RAB36: variants seen among roughly 807,000 people sequenced by gnomAD.
RAB36 encodes RAB36, member RAS oncogene family, also known as ras-related protein Rab-36.
In RAB36, 33 loss-of-function variants were observed where a neutral mutation model predicts 39.3. The observed-to-expected ratio is 0.84, with a 90% CI of 0.64 to 1.12. The LOEUF is 1.12. Ranked by LOEUF, RAB36 falls within the 50% of genes most tolerant of loss-of-function variation. RAB36 has a pLI of 0.00. For synonymous variants in RAB36, 133 were observed against 140.2 expected (o/e 0.95, Z 0.36); for missense variants, 308 against 355.3 (o/e 0.87, Z 1.07).
At chr22:23,145,375 G>A, upstream of RAB36, 1 of 1,607,012 alleles carries the variant, frequency 6.2e-7, no homozygotes, top group Non-Finnish European at 8.5e-7. Flanking sequence ...TATGGTGATC[G>A]CCGGTGCAAG....
At chr22:23,145,690 G>C in intron 1 of RAB36, 139 bp downstream of exon 1, 1 of 1,086,268 alleles carries the variant, frequency 9.2e-7, no homozygotes. Context: ...TGCGGCCCCG[G>C]GGCGTCCTCA....
In RAB36 at chr22:23,158,314, A is replaced by G. The variant is rs559517465; in HGVS notation, c.446+271A>G. 2.0e-5 allele frequency among the ~76,000 whole-genome samples: 3 copies of G among 152,336 alleles called. No homozygotes were observed. The East Asian group carries it at 5.8e-4, about 29-fold the overall frequency. On this transcript the variant is annotated intron_variant, in intron 7 of 10. Transcript: ENST00000263116. ...CAGAGGGGCCCCAACCTGCTTTAATACACTGCCTTTGCCATGTTGCAAGTC... is the reference window on the plus strand; with the variant it reads ...CAGAGGGGCCCCAACCTGCTTTAATGCACTGCCTTTGCCATGTTGCAAGTC...
chr22:23,157,962 ATTGGCTG>A, intron 6 of RAB36, 23 bp from the exon 7 acceptor site: 1 of 1,613,984 alleles, frequency 6.2e-7, no homozygotes, highest in South Asian at 1.1e-5. Flanking sequence ...CCTGGCACTG[ATTGGCTG>A]TTGGCTTTTT....
Position 23,158,933 on chromosome 22 carries a change from C to A in RAB36, c.482C>A (p.Ala161Glu), listed in dbSNP as rs1208533043. 6.2e-7 allele frequency: 1 copy of A among 1,614,208 alleles called. No homozygotes were observed. The highest frequency in any genetic ancestry group is 1.7e-5 in the Admixed American group (1 of 60,036). Residue 161 changes from alanine (A) to glutamate (E), a missense_variant, in exon 8 of 11, where the codon GCA becomes GAA. Physicochemically the swap from Ala to Glu is moderately radical, Grantham distance 107. Coordinates refer to ENST00000263116, the MANE Select transcript of RAB36 (RefSeq NM_004914.5). ...GAGGATGCTCTGAGGGAGAACGAGG[C>A]AGGCTCCTGCTTCATCTTCCTCGTG... ...WLEDALRENE[A>E]GSCFIFLVGT...
intron 7 of RAB36, 114 bp downstream of exon 7, chr22:23,158,157 G>A (rs2071566381): frequency 6.5e-7 from 1 of 1,532,712 alleles, no homozygotes; most frequent in Non-Finnish European, 8.7e-7. Context: ...GAGTGACCAG[G>A]GCCCCTTGTC....
At chr22:23,152,937 G>T in intron 4 of RAB36, 96 bp from the exon 5 acceptor site, 1 of 869,182 alleles carries the variant, frequency 1.2e-6, no homozygotes, top group Non-Finnish European at 1.9e-6. Context: ...ATGGGAAGTG[G>T]ACCTTATTTG....
chr22:23,166,127 C>T (rs1027726731), downstream of RAB36, among the ~76,000 whole-genome samples: 2 of 108,964 alleles, frequency 1.8e-5, no homozygotes, highest in East Asian at 3.2e-4. Context: ...GCCTGGGTGA[C>T]GGAGTGAGAC....
Sources: gnomAD v4.1 joint callset for allele counts (sites outside exome capture counted in the v4.1 genomes callset) on GRCh38, gnomAD v4.1.1 for gene constraint, MANE v1.5 for transcripts, NCBI Gene and HGNC (gene_info 2026-07-23, HGNC 2026-07-21) for gene names.